TRPC1: variants seen among roughly 807,000 people sequenced by gnomAD.
The protein encoded by TRPC1 is short transient receptor potential channel 1.
TRPC1 carries 42 observed loss-of-function variants against 88.2 expected under a neutral mutation model. The ratio of observed to expected loss-of-function variants is 0.48; its 90% CI spans 0.37 to 0.62. The LOEUF is 0.62. TRPC1 is among the 20% of genes least tolerant of loss of function. TRPC1 has a pLI of 0.00. For synonymous variants in TRPC1, 288 were observed against 331.8 expected (o/e 0.87, Z 1.43); for missense variants, 699 against 957.3 (o/e 0.73, Z 3.56).
intron 4 of TRPC1, among the ~76,000 whole-genome samples, chr3:142,760,704 G>A (rs1285984582): frequency 6.6e-6 from 1 of 152,084 alleles, no homozygotes; most frequent in Non-Finnish European, 1.5e-5. Flanking sequence ...AATTCTTCCA[G>A]TACGTGAGCA....
chr3:142,790,999 T>A lies in TRPC1; in HGVS notation c.1298-20T>A. On this transcript the variant is annotated intron_variant, in intron 7 of 12. Coordinates refer to ENST00000476941, the MANE Select transcript of TRPC1 (RefSeq NM_001251845.2). The stretch of plus-strand genomic sequence containing the variant: ...TTGAATTAAGAAAGTGTTATCTGAT[T>A]TTTTTCTTCCTTTTCTCAGGGATGA... 6.5e-7 allele frequency: 1 copy of A among 1,543,502 alleles called. No homozygotes were observed. The highest frequency in any genetic ancestry group is 8.7e-7 in the Non-Finnish European group (1 of 1,150,702).
intron 9 of TRPC1, 149 bp downstream of exon 9, chr3:142,793,116 T>G (rs1936342518): frequency 2.9e-6 from 2 of 680,822 alleles, no homozygotes; most frequent in Non-Finnish European, 4.4e-6. Context: ...CACAGCATGT[T>G]TATCTACTTT....
intron 7 of TRPC1, among the ~76,000 whole-genome samples, chr3:142,789,211 T>C (rs997741803): frequency 6.6e-6 from 1 of 152,162 alleles, no homozygotes; most frequent in Non-Finnish European, 1.5e-5. Context: ...AGTATGGTCA[T>C]GGAGGATTTG....
At chr3:142,748,191 C>T (rs1328120121) in intron 3 of TRPC1, 67 bp from the exon 4 acceptor site, 4 of 1,327,162 alleles carry the variant, frequency 3.0e-6, no homozygotes, top group East Asian at 2.4e-5. Context: ...TCATTTCATT[C>T]TTCAGATAAA....
chr3:142,800,411 A>G (rs1936583523), intron 9 of TRPC1, among the ~76,000 whole-genome samples: 3 of 152,084 alleles, frequency 2.0e-5, no homozygotes, highest in Non-Finnish European at 2.9e-5. Flanking sequence ...AAACTCACCT[A>G]TTCTGCTTAA....
At chr3:142,742,699 T>G (rs1327637593) in intron 2 of TRPC1, among the ~76,000 whole-genome samples, 1 of 152,186 alleles carries the variant, frequency 6.6e-6, no homozygotes, top group Non-Finnish European at 1.5e-5. Flanking sequence ...TTTATCCCCA[T>G]GTTTTCCTTC....
chr3:142,783,692 A>G (rs1314522512), intron 6 of TRPC1, among the ~76,000 whole-genome samples: 1 of 152,200 alleles, frequency 6.6e-6, no homozygotes, highest in Non-Finnish European at 1.5e-5. Flanking sequence ...AATAAACAAC[A>G]AAACTCTGTC....
At chr3:142,763,989 T>TATATATATATATAC (rs1486429772) in intron 4 of TRPC1, among the ~76,000 whole-genome samples, 10 of 65,036 alleles carry the variant, frequency 1.5e-4, no homozygotes, top group African/African-American at 8.0e-4. Flanking sequence ...TATATACACA[T>TATATATATATATAC]ACATACATAC....
intron 3 of TRPC1, among the ~76,000 whole-genome samples, chr3:142,745,239 T>C (rs1177919205): frequency 6.6e-6 from 1 of 152,232 alleles, no homozygotes; most frequent in Non-Finnish European, 1.5e-5. Flanking sequence ...TTGGCACACC[T>C]GTCCCATCTT....
At chr3:142,751,043 T>C (rs1934745457) in intron 4 of TRPC1, among the ~76,000 whole-genome samples, 1 of 152,134 alleles carries the variant, frequency 6.6e-6, no homozygotes, top group Non-Finnish European at 1.5e-5. Flanking sequence ...AAGCTGTTAC[T>C]CCAAAATGGT....
Position 142,767,466 on chromosome 3 carries a change from A to C in TRPC1, c.633-10166A>C, listed in dbSNP as rs376943971. On this transcript the variant is annotated intron_variant, in intron 4 of 12. Transcript: ENST00000476941. This position sits in a 1 kb window ranked among gnomAD's most constrained non-coding sequence, Gnocchi z 5.1. ...TTAAAACTTGCTGTTTTACTTTCAC[A>C]TATCAGGGAGTTTCCTAGATTTCCT... Among the ~76,000 whole-genome samples the C allele has an allele frequency of 6.6e-6, 1 of 150,846 alleles. No individual in the cohort carries two copies. Among genetic ancestry groups the C allele is most frequent in the Admixed American group, 6.6e-5 (1 of 15,200 alleles).
chr3:142,738,325 G>A (rs1934216801), intron 2 of TRPC1, among the ~76,000 whole-genome samples: 1 of 152,146 alleles, frequency 6.6e-6, no homozygotes, highest in Non-Finnish European at 1.5e-5. Flanking sequence ...CTTTGGTTGG[G>A]TATGATTGTG....
Position 142,804,069 on chromosome 3 carries a change from T to A in TRPC1, c.1850T>A (p.Leu617Gln), listed in dbSNP as rs1487163856. The change falls in exon 11 of 13, where the codon CTG (leucine) becomes CAG (glutamine). Residue 617 changes from leucine to glutamine, a missense_variant. Physicochemically the swap from Leu to Gln is moderately radical, Grantham distance 113 (BLOSUM62 -2). This residue lies in a region of TRPC1 where 426 missense variants were observed against 641.3 expected (regional missense o/e 0.66). Coordinates refer to ENST00000476941, the MANE Select transcript of TRPC1 (RefSeq NM_001251845.2). ...ACAAGATTTAGCTATGGAGAAGAACTGCAGTCCTTTGTGGGAGCTGTCATT... is the reference window on the plus strand; with the variant it reads ...ACAAGATTTAGCTATGGAGAAGAACAGCAGTCCTTTGTGGGAGCTGTCATT... ...FVTRFSYGEE[L>Q]QSFVGAVIVG... is the part of the protein sequence containing the mutation. The A allele has an allele frequency of 6.2e-7, 1 of 1,613,932 alleles. No individual in the cohort carries two copies. Among genetic ancestry groups the A allele is most frequent in the Admixed American group, 1.7e-5 (1 of 59,970 alleles).
At chr3:142,765,270 G>A (rs139221395) in intron 4 of TRPC1, among the ~76,000 whole-genome samples, 3 of 152,128 alleles carry the variant, frequency 2.0e-5, no homozygotes, top group African/African-American at 7.2e-5. Context: ...CAGATTCAAT[G>A]CTATTCTCGT....
Position 142,752,702 on chromosome 3 carries a change from C to A in TRPC1, c.632+4242C>A, listed in dbSNP as rs201804508. On this transcript the variant is annotated intron_variant, in intron 4 of 12. Coordinates refer to ENST00000476941, the MANE Select transcript of TRPC1 (RefSeq NM_001251845.2). ...TTTCAGACTATCACATGGGGAGAAACCTTGGACAATACCCTGCTTTCAAGG... is the reference window on the plus strand; with the variant it reads ...TTTCAGACTATCACATGGGGAGAAAACTTGGACAATACCCTGCTTTCAAGG... Among the ~76,000 whole-genome samples the A allele has an allele frequency of 3.9e-5, 6 of 152,324 alleles. No homozygotes were observed. The East Asian group carries it at 1.2e-3, about 29-fold the overall frequency.
In TRPC1 at chr3:142,724,503, TCGGGGC is replaced by T. The variant is rs1324003168; in HGVS notation, c.-53_-48del. On this transcript the variant is annotated 5_prime_UTR_variant, in exon 1 of 13. Transcript: ENST00000476941. This position sits in a 1 kb window ranked among gnomAD's most constrained non-coding sequence, Gnocchi z 5.6. ...GGCGTGGCTGGGGTCGGGGTCGGGG[TCGGGGC>T]CGGTGGGGGCCCCGCCCCCGTCTCC... 409 of 1,413,622 alleles carry T rather than the reference TCGGGGC, an allele frequency of 2.9e-4. 3 individuals carry two copies. The African/African-American group carries it at 5.4e-3, about 19-fold the overall frequency. 87.6% of individuals were successfully genotyped at this position (1,413,622 alleles called of 1,614,324 possible).
chr3:142,786,919 A>G (rs1936151550), intron 7 of TRPC1, among the ~76,000 whole-genome samples: 1 of 152,210 alleles, frequency 6.6e-6, no homozygotes, highest in Non-Finnish European at 1.5e-5. Context: ...ATGTCTTAGC[A>G]ATGAGTAAAA....
At chr3:142,785,216 G>A in intron 7 of TRPC1, 176 bp downstream of exon 7, 2 of 498,160 alleles carry the variant, frequency 4.0e-6, no homozygotes, top group Non-Finnish European at 6.9e-6. Context: ...AAAGATAAAT[G>A]TTCCTGAACT....
Position 142,748,348 on chromosome 3 carries a change from A to G in TRPC1, c.520A>G (p.Ile174Val). The change falls in exon 4 of 13, where the codon ATT becomes GTT. Residue 174 changes from isoleucine (I) to valine (V), a missense_variant. Around this residue, in one of 4 missense-constraint regions of TRPC1, gnomAD observed 426 missense variants for 641.3 expected, o/e 0.66. Coordinates refer to ENST00000476941, the MANE Select transcript of TRPC1 (RefSeq NM_001251845.2). ...ILAAHRNNYEILTMLLKQDVS... is the reference protein window; with the variant it reads ...ILAAHRNNYEVLTMLLKQDVS... ...AGCTGCTCATCGTAACAACTATGAA[A>G]TTCTTACAATGCTCTTAAAACAGGA... 1.2e-6 allele frequency: 2 copies of G among 1,614,086 alleles called. No individual in the cohort carries two copies. Among genetic ancestry groups the G allele is most frequent in the South Asian group, 2.2e-5 (2 of 91,076 alleles).
Sources: allele counts gnomAD v4.1 joint callset (sites outside exome capture counted in the v4.1 genomes callset), GRCh38; gene constraint gnomAD v4.1.1; regional missense constraint gnomAD v4.1.1; non-coding constraint Gnocchi (gnomAD v3.1); transcripts MANE v1.5; gene names NCBI Gene and HGNC (gene_info 2026-07-23, HGNC 2026-07-21).